TSPAN12: variants seen among roughly 807,000 people sequenced by gnomAD.
TSPAN12 encodes the protein tetraspanin-12.
Under a neutral mutation model 39.2 loss-of-function variants are expected in TSPAN12, and 19 were observed. The observed-to-expected ratio is 0.49, with a 90% CI of 0.34 to 0.71. The LOEUF (loss-of-function observed/expected upper bound fraction) is 0.71. TSPAN12 is among the 30% of genes least tolerant of loss of function. TSPAN12 has a pLI of 0.01. For missense variants in TSPAN12, 314 were observed against 359.9 expected, an observed-to-expected ratio of 0.87 and a Z score of 1.03; for synonymous variants, 119 against 124.8, an observed-to-expected ratio of 0.95 and a Z score of 0.31.
chr7:120,819,209 G>A (rs148536593), intron 4 of TSPAN12, among the ~76,000 whole-genome samples: 5 of 152,154 alleles, frequency 3.3e-5, no homozygotes, highest in African/African-American at 1.2e-4. Context: ...ACATGGACAT[G>A]GATGATGATT....
At chr7:120,853,220 A>T (rs183630663) in intron 2 of TSPAN12, among the ~76,000 whole-genome samples, 1 of 151,594 alleles carries the variant, frequency 6.6e-6, no homozygotes, top group African/African-American at 2.4e-5. Flanking sequence ...CAGCCTCCTG[A>T]GCAGCTGGAA....
chr7:120,839,965 G>A (rs1000647185), intron 3 of TSPAN12, 62 bp downstream of exon 3: 2 of 1,391,122 alleles, frequency 1.4e-6, no homozygotes, highest in Non-Finnish European at 2.0e-6. Flanking sequence ...CATATAAATA[G>A]CTGAGGGCAA....
chr7:120,852,316 C>T (rs897882770), intron 2 of TSPAN12, among the ~76,000 whole-genome samples: 2 of 152,116 alleles, frequency 1.3e-5, no homozygotes, highest in South Asian at 4.2e-4. Context: ...CTTTTCACCT[C>T]ATGGGTAATG....
intron 2 of TSPAN12, among the ~76,000 whole-genome samples, chr7:120,855,894 AT>A (rs1230461938): frequency 6.6e-6 from 1 of 152,262 alleles, no homozygotes; most frequent in African/African-American, 2.4e-5. Flanking sequence ...ACACAAAAAA[AT>A]GGAAAGAACA....
At chr7:120,813,189 A>C (rs565357139) in intron 5 of TSPAN12, among the ~76,000 whole-genome samples, 29 of 152,354 alleles carry the variant, frequency 1.9e-4, no homozygotes, top group African/African-American at 6.5e-4. Context: ...GCAGATAATA[A>C]ACTTTAATGG....
chr7:120,807,105 T>C (rs1793889789), intron 6 of TSPAN12, among the ~76,000 whole-genome samples: 2 of 152,108 alleles, frequency 1.3e-5, no homozygotes, highest in African/African-American at 4.8e-5. Context: ...AAATATTATA[T>C]TAAAAGTTTC....
chr7:120,793,170 A>C (rs1296243184), intron 7 of TSPAN12, among the ~76,000 whole-genome samples: 1 of 152,192 alleles, frequency 6.6e-6, no homozygotes, highest in Non-Finnish European at 1.5e-5. Context: ...AAATATGTAC[A>C]CTTAATCATT....
chr7:120,799,893 A>G (rs1038243086), intron 7 of TSPAN12, among the ~76,000 whole-genome samples: 4 of 142,366 alleles, frequency 2.8e-5, no homozygotes, highest in Non-Finnish European at 4.5e-5. Context: ...AAATATTAAT[A>G]AATATTTAAT....
intron 4 of TSPAN12, among the ~76,000 whole-genome samples, chr7:120,834,346 A>G (rs987123355): frequency 2.6e-5 from 4 of 152,190 alleles, no homozygotes; most frequent in Admixed American, 6.5e-5. Flanking sequence ...ACTTACATCT[A>G]TAAATCTATC....
intron 4 of TSPAN12, among the ~76,000 whole-genome samples, chr7:120,827,876 G>A (rs535351896): frequency 6.6e-5 from 10 of 152,280 alleles, no homozygotes; most frequent in African/African-American, 2.4e-4. Flanking sequence ...GCGTTCCAAA[G>A]AACTAATGTT....
chr7:120,841,108 C>T (rs757016320), intron 2 of TSPAN12, among the ~76,000 whole-genome samples: 5 of 152,108 alleles, frequency 3.3e-5, no homozygotes, highest in Non-Finnish European at 5.9e-5. Context: ...GGTGGGAAGT[C>T]AGAATAGAGA....
chr7:120,830,287 C>G (rs1794366590), intron 4 of TSPAN12, among the ~76,000 whole-genome samples: 1 of 151,862 alleles, frequency 6.6e-6, no homozygotes, highest in African/African-American at 2.4e-5. Context: ...TTTACAGAAA[C>G]AGGAAAAAAA....
chr7:120,788,419 C>T lies in TSPAN12; in HGVS notation c.*173G>A, dbSNP rs1342933574. 15 of 751,114 alleles carry T rather than the reference C, an allele frequency of 2.0e-5. No homozygotes were observed. The highest frequency in any genetic ancestry group is 7.7e-4 in the Middle Eastern group (2 of 2,598). 46.5% of individuals were successfully genotyped at this position (751,114 alleles called of 1,614,324 possible). On this transcript the variant is annotated 3_prime_UTR_variant, in exon 8 of 8. Transcript: ENST00000222747. The stretch of plus-strand genomic sequence containing the variant: ...GCATCAATTATTGTCCAGGTGGTGA[C>T]TTATGACATGAAACTTTTCCATCCT...
At chr7:120,851,694 C>T (rs528597360) in intron 2 of TSPAN12, among the ~76,000 whole-genome samples, 2 of 152,054 alleles carry the variant, frequency 1.3e-5, no homozygotes, top group African/African-American at 2.4e-5. Flanking sequence ...GTAATAAAAG[C>T]GTATAAATTT....
At position 120,819,202 on chromosome 7, in the gene TSPAN12, T is replaced by C. The variant is rs541373831; in HGVS notation, c.286-3399A>G. Reference sequence around the variant, plus strand: ...GCAAGATATGTTTATCAATAAAACATGGACATGGATGATGATTATAAAGAA... The same window carrying C: ...GCAAGATATGTTTATCAATAAAACACGGACATGGATGATGATTATAAAGAA... On this transcript the variant is annotated intron_variant, in intron 4 of 7. Coordinates refer to ENST00000222747, the MANE Select transcript of TSPAN12 (RefSeq NM_012338.4). Among the ~76,000 whole-genome samples, 4 of 152,230 alleles carry C rather than the reference T, an allele frequency of 2.6e-5. No individual in the cohort carries two copies. In the East Asian group the frequency reaches 7.7e-4, roughly 29 times the overall value.
chr7:120,788,544 A>C lies in TSPAN12; in HGVS notation c.*48T>G. 6.2e-7 allele frequency: 1 copy of C among 1,610,060 alleles called. No homozygotes were observed. The highest frequency in any genetic ancestry group is 8.5e-7 in the Non-Finnish European group (1 of 1,176,608). On this transcript the variant is annotated 3_prime_UTR_variant, in exon 8 of 8. Transcript: ENST00000222747. ...ACACATAGTATGTACTCAAAAATTC[A>C]CAAGTCCAGTAAAACAAGTTTGTGG...
chr7:120,799,866 A>C (rs1212421112), intron 7 of TSPAN12, among the ~76,000 whole-genome samples: 3 of 138,134 alleles, frequency 2.2e-5, no homozygotes, highest in African/African-American at 7.9e-5. Context: ...AATTAATATG[A>C]TATATTACTA....
intron 2 of TSPAN12, among the ~76,000 whole-genome samples, chr7:120,853,872 C>CA (rs749642006): frequency 0.083 from 8,100 of 97,306 alleles, 489 homozygotes; most frequent in East Asian, 0.38. Flanking sequence ...GACTCCGTCC[C>CA]AAAAAAAAAA....
At chr7:120,857,065 T>C (rs1302005127) in intron 1 of TSPAN12, 2 of 479,728 alleles carry the variant, frequency 4.2e-6, no homozygotes, top group Non-Finnish European at 7.7e-6. Flanking sequence ...AGAGCAACTA[T>C]CCGGATGAAT....
Sources: gnomAD v4.1 joint callset for allele counts (sites outside exome capture counted in the v4.1 genomes callset) on GRCh38, gnomAD v4.1.1 for gene constraint, MANE v1.5 for transcripts, NCBI Gene and HGNC (gene_info 2026-07-23, HGNC 2026-07-21) for gene names.